SLC2A9: variants seen among roughly 807,000 people sequenced by gnomAD.
SLC2A9 encodes solute carrier family 2 member 9, also known as solute carrier family 2, facilitated glucose transporter member 9.
SLC2A9 carries 39 observed loss-of-function variants against 50.6 expected under a neutral mutation model. The observed-to-expected ratio is 0.77, with a 90% CI of 0.60 to 1.01. The LOEUF (loss-of-function observed/expected upper bound fraction) is 1.01. SLC2A9 is among the 50% of genes least tolerant of loss of function. SLC2A9 has a pLI of 0.00. For missense variants in SLC2A9, 686 were observed against 677.6 expected, an observed-to-expected ratio of 1.01 and a Z score of -0.14; for synonymous variants, 324 against 276.9, an observed-to-expected ratio of 1.17 and a Z score of -1.69.
downstream of SLC2A9, among the ~76,000 whole-genome samples, chr4:9,824,224 G>A (rs1489596356): frequency 6.6e-6 from 1 of 151,898 alleles, no homozygotes; most frequent in Non-Finnish European, 1.5e-5. Context: ...TCCCTTTGCC[G>A]CCTCAGGACG....
At chr4:9,798,366 T>C (rs1720852273), downstream of SLC2A9, among the ~76,000 whole-genome samples, 1 of 152,204 alleles carries the variant, frequency 6.6e-6, no homozygotes, top group African/African-American at 2.4e-5. Context: ...TCTGGAGCAT[T>C]TGTGTGGTCA....
rs916835942 is a variant in SLC2A9 at position 10,021,373 on chromosome 4, A to G, written c.57T>C (p.Asp19=). The G allele has an allele frequency of 2.8e-5, 46 of 1,614,118 alleles. No homozygotes were observed. The highest frequency in any genetic ancestry group is 3.7e-5 in the Non-Finnish European group (44 of 1,180,048). Residue 19 remains aspartate, a synonymous_variant, in exon 1 of 12, where the codon GAT becomes GAC. Transcript: ENST00000264784. ...CTGGAGGCCCGGCGTGGCTGGTGTC[A>G]TCTGTGAGGGGAACTAGGCCCAGTT... is the stretch of plus-strand genomic sequence containing the variant. The part of the protein sequence containing the change: ...SKELGLVPLT[D]DTSHAGPPGP...
At chr4:9,990,448 T>C (rs1289973610) in intron 3 of SLC2A9, among the ~76,000 whole-genome samples, 2 of 152,124 alleles carry the variant, frequency 1.3e-5, no homozygotes, top group Non-Finnish European at 2.9e-5. Context: ...GACGGGAACA[T>C]AATGAAATGA....
At chr4:9,835,096 C>G (rs1232930958) in intron 10 of SLC2A9, 88 bp from the exon 11 acceptor site, 4 of 1,588,786 alleles carry the variant, frequency 2.5e-6, no homozygotes, top group African/African-American at 1.3e-5. Context: ...ACTTTAGAAC[C>G]CCCCCACCCC....
chr4:9,984,665 G>A (rs1161898256), intron 4 of SLC2A9, among the ~76,000 whole-genome samples: 6 of 152,106 alleles, frequency 3.9e-5, no homozygotes, highest in East Asian at 3.9e-4. Flanking sequence ...AGAGAGCAGC[G>A]TTTGTCTGAC....
At chr4:9,869,570 A>T (rs550439278) in intron 10 of SLC2A9, among the ~76,000 whole-genome samples, 17 of 151,956 alleles carry the variant, frequency 1.1e-4, no homozygotes, top group Middle Eastern at 3.4e-3. Flanking sequence ...CTGCTCTGGG[A>T]CTCTTATCTG....
chr4:9,995,998 A>G (rs1758585254), intron 3 of SLC2A9: 1 of 152,622 alleles, frequency 6.6e-6, no homozygotes, highest in Admixed American at 6.5e-5. Context: ...AAGAATACAG[A>G]GAAAGCATTG....
chr4:9,942,589 G>T (rs1168263927), intron 5 of SLC2A9, among the ~76,000 whole-genome samples: 1 of 152,178 alleles, frequency 6.6e-6, no homozygotes, highest in Non-Finnish European at 1.5e-5. Context: ...GTGGGGCACA[G>T]CTTACCCCTT....
chr4:9,857,212 C>T (rs1423526844), intron 10 of SLC2A9, among the ~76,000 whole-genome samples: 1 of 152,182 alleles, frequency 6.6e-6, no homozygotes, highest in Non-Finnish European at 1.5e-5. Flanking sequence ...CCTGGGTTCC[C>T]ACTCATTCCT....
intron 10 of SLC2A9, among the ~76,000 whole-genome samples, chr4:9,838,857 A>G (rs577320607): frequency 7.9e-5 from 12 of 152,352 alleles, no homozygotes; most frequent in African/African-American, 2.4e-4. Context: ...TACACTCAAG[A>G]TGGATTAAAT....
At chr4:9,994,969 A>G (rs1256668842) in intron 3 of SLC2A9, among the ~76,000 whole-genome samples, 1 of 152,120 alleles carries the variant, frequency 6.6e-6, no homozygotes, top group African/African-American at 2.4e-5. Flanking sequence ...CAGTGATGCC[A>G]ATCTGAGTGC....
rs538986019 is a variant in SLC2A9 at position 9,786,385 on chromosome 4, G to C, written n.386-6320C>G. On this transcript the variant is annotated intron_variant and non_coding_transcript_variant, in intron 3 of 3. Coordinates refer to the SLC2A9 transcript ENST00000503803. ...AATCCTAACTGCTCTTTGATGGTGA[G>C]AGAGGATGCCAGAACATCTTCAGTC... 2.0e-5 allele frequency among the ~76,000 whole-genome samples: 3 copies of C among 152,348 alleles called. No homozygotes were observed. In the South Asian group the frequency reaches 6.2e-4, roughly 32 times the overall value.
At position 9,888,272 on chromosome 4, in the gene SLC2A9, C is replaced by CATAT. The variant is rs35108442; in HGVS notation, c.1216-634_1216-631dup. On this transcript the variant is annotated intron_variant, in intron 9 of 11. Coordinates refer to ENST00000264784, the MANE Select transcript of SLC2A9 (RefSeq NM_020041.3). ...TCCCAGAACTTAAAGTATATATATA[C>CATAT]ATATATATATATATATGTATATATA... Among the ~76,000 whole-genome samples the CATAT allele has an allele frequency of 2.6e-3, 388 of 146,766 alleles. 3 individuals carry two copies. The highest frequency in any genetic ancestry group is 9.0e-3 in the African/African-American group (358 of 39,950).
At chr4:9,926,924 C>G (rs28414776) in intron 6 of SLC2A9, among the ~76,000 whole-genome samples, 5,354 of 152,110 alleles carry the variant, frequency 0.035, 316 homozygotes, top group African/African-American at 0.12. Flanking sequence ...GCACCAAGGA[C>G]TGCTGGTCCC....
intron 5 of SLC2A9, among the ~76,000 whole-genome samples, chr4:9,965,528 A>G (rs1410506680): frequency 6.6e-6 from 1 of 152,224 alleles, no homozygotes; most frequent in African/African-American, 2.4e-5. Flanking sequence ...AGATGATCAC[A>G]AACTGACCAC....
At chr4:9,950,691 A>AT (rs1453220378) in intron 5 of SLC2A9, among the ~76,000 whole-genome samples, 461 of 34,614 alleles carry the variant, frequency 0.013, 40 homozygotes, top group East Asian at 0.07. Flanking sequence ...GGAGAGATCG[A>AT]GACCATCCTG....
At chr4:9,894,876 A>G (rs1053700396) in intron 8 of SLC2A9, among the ~76,000 whole-genome samples, 1 of 152,230 alleles carries the variant, frequency 6.6e-6, no homozygotes, top group Non-Finnish European at 1.5e-5. Context: ...CACTGCAATC[A>G]GCATGTGTTA....
At chr4:9,905,472 G>A (rs1345353373) in intron 8 of SLC2A9, among the ~76,000 whole-genome samples, 1 of 152,202 alleles carries the variant, frequency 6.6e-6, no homozygotes, top group African/African-American at 2.4e-5. Flanking sequence ...CAAACTTAAA[G>A]GCAGTGGCAG....
At chr4:9,794,316 G>A (rs1356977242), downstream of SLC2A9, among the ~76,000 whole-genome samples, 18 of 152,014 alleles carry the variant, frequency 1.2e-4, no homozygotes, top group Middle Eastern at 3.2e-3. Context: ...CACCACGCCC[G>A]GCTAATTTTT....
Sources: gnomAD v4.1 joint callset for allele counts (sites outside exome capture counted in the v4.1 genomes callset) on GRCh38, gnomAD v4.1.1 for gene constraint, MANE v1.5 for transcripts, NCBI Gene and HGNC (gene_info 2026-07-23, HGNC 2026-07-21) for gene names.